Variants in CLCA2 observed in about 807,000 individuals in gnomAD.
CLCA2 encodes the protein chloride channel accessory 2.
CLCA2 carries 85 observed loss-of-function variants against 82.9 expected under a neutral mutation model. The ratio of observed to expected loss-of-function variants is 1.03; its 90% CI spans 0.86 to 1.23. CLCA2 has a LOEUF of 1.23. CLCA2 is among the 50% of genes most tolerant of loss of function. The pLI, the probability that CLCA2 is intolerant of heterozygous loss-of-function variation, is 0.00. For synonymous variants in CLCA2, 421 were observed against 391.7 expected (o/e 1.07, Z -0.88); for missense variants, 1,089 against 1,124.8 (o/e 0.97, Z 0.45).
intron 6 of CLCA2, among the ~76,000 whole-genome samples, chr1:86,438,479 A>G (rs1360368808): frequency 1.3e-5 from 2 of 152,112 alleles, no homozygotes; most frequent in Non-Finnish European, 2.9e-5. Flanking sequence ...TCTGACTGCC[A>G]CTCCTCTCTA....
At chr1:86,448,038 T>C (rs1014539044) in intron 11 of CLCA2, 14 of 480,458 alleles carry the variant, frequency 2.9e-5, no homozygotes, top group African/African-American at 2.7e-4. Flanking sequence ...ACCTTGGTCC[T>C]GGCTTCCACT....
intron 6 of CLCA2, among the ~76,000 whole-genome samples, chr1:86,438,448 G>T (rs1484809695): frequency 6.6e-6 from 1 of 152,188 alleles, no homozygotes; most frequent in African/African-American, 2.4e-5. Context: ...AGAGGGTAGT[G>T]CCGGGGCAGA....
At chr1:86,442,623 C>T (rs949898757) in intron 9 of CLCA2, among the ~76,000 whole-genome samples, 2 of 152,240 alleles carry the variant, frequency 1.3e-5, no homozygotes, top group South Asian at 2.1e-4. Context: ...AAACAATTCA[C>T]AATGTCTTTG....
intron 12 of CLCA2, among the ~76,000 whole-genome samples, chr1:86,453,074 G>A (rs1663006633): frequency 6.6e-6 from 1 of 152,172 alleles, no homozygotes; most frequent in African/African-American, 2.4e-5. Flanking sequence ...TCAGGAGGCT[G>A]AGGCAGGAGA....
At chr1:86,424,632 G>A (rs1048491055) in intron 1 of CLCA2, among the ~76,000 whole-genome samples, 199 bp downstream of exon 1, 2 of 152,022 alleles carry the variant, frequency 1.3e-5, no homozygotes, top group Non-Finnish European at 2.9e-5. Flanking sequence ...AGCTCACAGA[G>A]TGTTGATCTA....
intron 3 of CLCA2, among the ~76,000 whole-genome samples, chr1:86,429,757 A>G (rs1254196492): frequency 6.6e-6 from 1 of 152,190 alleles, no homozygotes; most frequent in African/African-American, 2.4e-5. Context: ...CCCTAGTTAA[A>G]TCTAAACTAG....
chr1:86,450,658 T>C lies in CLCA2; in HGVS notation c.2080T>C (p.Ser694Pro). ...TAGCTTGAAAGTGCATGTCAATCAC[T>C]CTCCCAGCATAAGCACCCCAGCCCA... ...RYSLKVHVNH[S>P]PSISTPAHSI... Residue 694 changes from serine (S) to proline (P), a missense_variant, in exon 12 of 14, where the codon TCT (serine) becomes CCT (proline). By Grantham distance (74) the Ser-to-Pro change is moderately conservative (BLOSUM62 -1). Coordinates refer to ENST00000370565, the MANE Select transcript of CLCA2 (RefSeq NM_006536.7). 6.2e-7 allele frequency: 1 copy of C among 1,613,732 alleles called. No individual in the cohort carries two copies.
At chr1:86,445,706 T>C (rs902777583) in intron 10 of CLCA2, among the ~76,000 whole-genome samples, 3 of 146,268 alleles carry the variant, frequency 2.1e-5, no homozygotes, top group Non-Finnish European at 4.5e-5. Context: ...GTTATAATAT[T>C]AATAGTACAG....
Position 86,449,625 on chromosome 1 carries a change from C to A in CLCA2, c.1985-938C>A, listed in dbSNP as rs550355971. ...CTCCTGCTTTTCTTATGTTAAGGAG[C>A]CCTGCCTTTGCAGTGGGGAAGAGGG... On this transcript the variant is annotated intron_variant, in intron 11 of 13. Transcript: ENST00000370565. Among the ~76,000 whole-genome samples the A allele has an allele frequency of 3.9e-5, 6 of 152,254 alleles. No homozygotes were observed. The South Asian group carries it at 1.2e-3, about 32-fold the overall frequency.
At chr1:86,443,016 T>A (rs1024612719) in intron 9 of CLCA2, among the ~76,000 whole-genome samples, 16 of 151,214 alleles carry the variant, frequency 1.1e-4, no homozygotes, top group Non-Finnish European at 1.6e-4. Context: ...TGGCTTATTG[T>A]GAATGGCTAA....
intron 6 of CLCA2, among the ~76,000 whole-genome samples, chr1:86,435,620 C>T (rs1662591790): frequency 6.6e-6 from 1 of 152,138 alleles, no homozygotes; most frequent in African/African-American, 2.4e-5. Flanking sequence ...TTATAAAGAG[C>T]ATGATGGCCC....
intron 1 of CLCA2, among the ~76,000 whole-genome samples, chr1:86,424,812 T>C (rs1662358033): frequency 6.6e-6 from 1 of 152,190 alleles, no homozygotes; most frequent in Non-Finnish European, 1.5e-5. Flanking sequence ...AAAATCATAT[T>C]GCTAGATTCC....
chr1:86,440,002 G>A lies in CLCA2; in HGVS notation c.1204-146G>A, dbSNP rs563900790. ...GGCAGTGGAATGTAGGGTGACAAGT[G>A]CTGTGATGGGGTGAGGTAAAACTTG... On this transcript the variant is annotated intron_variant, in intron 7 of 13. Transcript: ENST00000370565. The A allele has an allele frequency of 2.7e-4, 188 of 702,618 alleles. 3 individuals carry two copies. The South Asian group carries it at 3.3e-3, about 12-fold the overall frequency. The allele number at this position is 702,618 out of a possible 1,614,324, so 43.5% of individuals were successfully genotyped here.
chr1:86,442,560 G>A (rs77789286), intron 9 of CLCA2, among the ~76,000 whole-genome samples: 2,411 of 152,234 alleles, frequency 0.016, 73 homozygotes, highest in African/African-American at 0.055. Flanking sequence ...GCCCAGCATA[G>A]CATGTGGCCC....
intron 3 of CLCA2, among the ~76,000 whole-genome samples, chr1:86,429,465 G>A (rs1479817121): frequency 6.6e-6 from 1 of 152,180 alleles, no homozygotes; most frequent in Non-Finnish European, 1.5e-5. Context: ...CCAGCTTCAA[G>A]AAGAAATCCC....
At chr1:86,435,344 T>A (rs1415067715) in intron 6 of CLCA2, among the ~76,000 whole-genome samples, 3 of 152,222 alleles carry the variant, frequency 2.0e-5, no homozygotes, top group Non-Finnish European at 4.4e-5. Context: ...TGATCGAAAA[T>A]TCTTATGTAT....
At chr1:86,447,055 T>G (rs996225597) in intron 10 of CLCA2, among the ~76,000 whole-genome samples, 1 of 152,192 alleles carries the variant, frequency 6.6e-6, no homozygotes, top group African/African-American at 2.4e-5. Flanking sequence ...TGTTGTTGCC[T>G]TTTTAGTCCA....
At chr1:86,452,520 G>A (rs776856073) in intron 12 of CLCA2, among the ~76,000 whole-genome samples, 4 of 152,106 alleles carry the variant, frequency 2.6e-5, no homozygotes, top group Admixed American at 2.0e-4. Context: ...ATGAGGTCCT[G>A]TGTAAACTTC....
intron 6 of CLCA2, among the ~76,000 whole-genome samples, chr1:86,436,732 A>T (rs1421515817): frequency 1.3e-5 from 2 of 151,118 alleles, no homozygotes; most frequent in East Asian, 3.9e-4. Flanking sequence ...TTTTTTTTTG[A>T]GATGGAGTTT....
Sources: gnomAD v4.1 joint callset for allele counts (sites outside exome capture counted in the v4.1 genomes callset) on GRCh38, gnomAD v4.1.1 for gene constraint, MANE v1.5 for transcripts, NCBI Gene and HGNC (gene_info 2026-07-23, HGNC 2026-07-21) for gene names.